The following TOX variants were observed in gnomAD, a reference collection of about 807,000 sequenced individuals.
TOX encodes the protein thymocyte selection-associated high mobility group box protein TOX.
Under a neutral mutation model 53.7 loss-of-function variants are expected in TOX, and 11 were observed. The ratio of observed to expected loss-of-function variants is 0.20; its 90% CI spans 0.13 to 0.34. TOX has a LOEUF of 0.34. Ranked by LOEUF, TOX falls within the 10% of genes least tolerant of loss-of-function variation. The probability of loss-of-function intolerance (pLI) is 1.00; values close to 1 mark genes in which losing one functional copy is unlikely to be tolerated. For synonymous variants in TOX, 225 were observed against 245.3 expected, an observed-to-expected ratio of 0.92 and a Z score of 0.77; for missense variants, 570 against 664.6, an observed-to-expected ratio of 0.86 and a Z score of 1.56.
At chr8:58,869,250 A>G (rs1811157360) in intron 3 of TOX, among the ~76,000 whole-genome samples, 1 of 150,574 alleles carries the variant, frequency 6.6e-6, no homozygotes, top group African/African-American at 2.4e-5. Context: ...AAAAGCGTTA[A>G]TAGAAGTATA....
At chr8:58,825,932 T>C (rs952456754) in intron 6 of TOX, among the ~76,000 whole-genome samples, 2 of 152,244 alleles carry the variant, frequency 1.3e-5, no homozygotes, top group African/African-American at 4.8e-5. Context: ...CACAGTGCCA[T>C]ACCTTAGAAG....
intron 1 of TOX, among the ~76,000 whole-genome samples, chr8:59,063,900 G>A (rs1051426081): frequency 1.6e-5 from 2 of 123,244 alleles, no homozygotes; most frequent in Non-Finnish European, 3.4e-5. Flanking sequence ...AATCATGTAT[G>A]TGTGTGTGTG....
chr8:58,887,493 A>C (rs972472634), intron 3 of TOX, among the ~76,000 whole-genome samples: 2 of 151,830 alleles, frequency 1.3e-5, no homozygotes, highest in Non-Finnish European at 2.9e-5. Context: ...TCTCAGTTCA[A>C]TTATTTTCTA....
At chr8:58,980,727 A>G (rs1226431010) in intron 1 of TOX, among the ~76,000 whole-genome samples, 1 of 152,158 alleles carries the variant, frequency 6.6e-6, no homozygotes, top group Non-Finnish European at 1.5e-5. Context: ...ATTCATTTGG[A>G]TCTGCCCTTC....
intron 3 of TOX, among the ~76,000 whole-genome samples, chr8:58,897,208 T>C (rs1811664211): frequency 6.6e-6 from 1 of 152,192 alleles, no homozygotes; most frequent in African/African-American, 2.4e-5. Flanking sequence ...TCCCAGATGA[T>C]GATCATCATT....
intron 2 of TOX, among the ~76,000 whole-genome samples, chr8:58,949,453 AC>A (rs1364699777): frequency 6.6e-6 from 1 of 152,196 alleles, no homozygotes; most frequent in Non-Finnish European, 1.5e-5. Flanking sequence ...ATAGTTCTCT[AC>A]TTATGCTCAA....
intron 5 of TOX, among the ~76,000 whole-genome samples, chr8:58,833,681 A>C (rs7017464): frequency 0.46 from 70,445 of 152,058 alleles, 18,336 homozygotes; most frequent in African/African-American, 0.73. Flanking sequence ...CATCTGGTGC[A>C]TTTTAAACAA....
chr8:58,932,562 T>A (rs1812273869), intron 3 of TOX, among the ~76,000 whole-genome samples: 1 of 152,158 alleles, frequency 6.6e-6, no homozygotes, highest in Admixed American at 6.6e-5. Flanking sequence ...ATGCATTACA[T>A]GAAATAAAAT....
intron 1 of TOX, among the ~76,000 whole-genome samples, chr8:59,003,554 A>G (rs899565977): frequency 3.9e-5 from 6 of 152,286 alleles, no homozygotes; most frequent in African/African-American, 1.2e-4. Context: ...AGACGGGGGG[A>G]AAAGGAATGA....
chr8:58,832,327 GTTT>G (rs371732318), intron 5 of TOX, among the ~76,000 whole-genome samples: 238 of 151,744 alleles, frequency 1.6e-3, no homozygotes, highest in African/African-American at 5.5e-3. Flanking sequence ...ACATTCTACA[GTTT>G]TTAAGTGAGC....
chr8:58,940,350 T>TC (rs1322267454), intron 2 of TOX, among the ~76,000 whole-genome samples: 1 of 151,916 alleles, frequency 6.6e-6, no homozygotes, highest in African/African-American at 2.4e-5. Flanking sequence ...TTTTTTTTTT[T>TC]CTTTTACAAA....
chr8:58,815,558 C>A lies in TOX; in HGVS notation c.1172G>T (p.Ser391Ile). 1.2e-6 allele frequency: 2 copies of A among 1,613,992 alleles called. No homozygotes were observed. The highest frequency in any genetic ancestry group is 2.2e-5 in the East Asian group (1 of 44,854). ...MNPHLTAMHP[S>I]LPRNIAPKPN... ...CTTGGGGGCTATGTTCCTGGGGAGA[C>A]TAGGATGCATGGCAGTTAGGTGAGG... The change falls in exon 7 of 9, where the codon AGT becomes ATT. Residue 391 changes from serine to isoleucine, a missense_variant. By Grantham distance (142) the Ser-to-Ile change is moderately radical. Around this residue, in one of 3 missense-constraint regions of TOX, gnomAD observed 239 missense variants for 250.7 expected, o/e 0.95. Transcript: ENST00000361421.
chr8:59,084,985 C>T (rs887043416), intron 1 of TOX, among the ~76,000 whole-genome samples: 7 of 152,166 alleles, frequency 4.6e-5, no homozygotes, highest in Non-Finnish European at 8.8e-5. Flanking sequence ...CCAGATCCTA[C>T]ATCTGCTTAA....
chr8:58,998,536 T>TTTATATATAATAAATTTATGTA (rs1554537362), intron 1 of TOX, among the ~76,000 whole-genome samples: 76 of 37,690 alleles, frequency 2.0e-3, no homozygotes, highest in East Asian at 0.011. Flanking sequence ...TATATATATA[T>TTTATATATAATAAATTTATGTA]ATAAATTTAT....
chr8:58,972,536 A>G (rs1813019028), intron 1 of TOX, among the ~76,000 whole-genome samples: 1 of 152,236 alleles, frequency 6.6e-6, no homozygotes, highest in African/African-American at 2.4e-5. Flanking sequence ...TGTCTCCTAT[A>G]ACATTTTAGT....
At chr8:58,920,492 G>A (rs1241147538) in intron 3 of TOX, among the ~76,000 whole-genome samples, 7 of 66,424 alleles carry the variant, frequency 1.1e-4, no homozygotes, top group African/African-American at 3.6e-4. Context: ...TCACTCATAG[G>A]TGGGAATTGA....
At position 59,014,337 on chromosome 8, in the gene TOX, C is replaced by T. The variant is rs527299877; in HGVS notation, c.103-54329G>A. ...ATGCTATCAATGGGTTCACATTGGA[C>T]GCCTCCTCGTAAAATTACCAAATTC... On this transcript the variant is annotated intron_variant, in intron 1 of 8. Coordinates refer to ENST00000361421, the MANE Select transcript of TOX (RefSeq NM_014729.3). Among the ~76,000 whole-genome samples the T allele has an allele frequency of 4.6e-5, 7 of 152,342 alleles. No individual in the cohort carries two copies. In the South Asian group the frequency reaches 1.0e-3, roughly 23 times the overall value.
At chr8:58,903,917 T>C (rs1035397368) in intron 3 of TOX, among the ~76,000 whole-genome samples, 29 of 152,310 alleles carry the variant, frequency 1.9e-4, no homozygotes, top group African/African-American at 7.0e-4. Context: ...CACTGTGCTA[T>C]TGTGTGCCAT....
chr8:59,027,279 A>C (rs1180771805), intron 1 of TOX, among the ~76,000 whole-genome samples: 1 of 152,208 alleles, frequency 6.6e-6, no homozygotes, highest in African/African-American at 2.4e-5. Context: ...AGCAGGCAGA[A>C]ATATCTGTCT....
Sources: allele counts gnomAD v4.1 joint callset (sites outside exome capture counted in the v4.1 genomes callset), GRCh38; gene constraint gnomAD v4.1.1; regional missense constraint gnomAD v4.1.1; transcripts MANE v1.5; gene names NCBI Gene and HGNC (gene_info 2026-07-23, HGNC 2026-07-21).